PIBF1: variants seen among roughly 807,000 people sequenced by gnomAD.
PIBF1 encodes the protein progesterone immunomodulatory binding factor 1.
A neutral mutation model predicts 112.5 loss-of-function variants in PIBF1; 90 were observed. That is an observed-to-expected ratio of 0.80 (90% CI 0.67 to 0.95). The LOEUF is 0.95. Ranked by LOEUF, PIBF1 falls within the 40% of genes least tolerant of loss-of-function variation. PIBF1 has a pLI of 0.00. For missense variants in PIBF1, 915 were observed against 852.3 expected, an observed-to-expected ratio of 1.07 and a Z score of -0.92; for synonymous variants, 301 against 288.6, an observed-to-expected ratio of 1.04 and a Z score of -0.44.
rs1266464633 is a variant in PIBF1 at position 72,854,068 on chromosome 13, A to C, written c.1235A>C (p.Glu412Ala). 1.2e-6 allele frequency: 2 copies of C among 1,610,268 alleles called. No individual in the cohort carries two copies. The highest frequency in any genetic ancestry group is 4.5e-5 in the East Asian group (2 of 44,856). ...TGTTTAAAATTTAGAAATCTCCGAG[A>C]AGCAAGGGATAATGCTGTGGCTGAA... ...MYERENRNLR[E>A]ARDNAVAEKE... The change falls in exon 10 of 18, where the codon GAA becomes GCA. Residue 412 changes from glutamate to alanine, a missense_variant. By Grantham distance (107) the Glu-to-Ala change is moderately radical. Transcript: ENST00000326291.
At chr13:72,813,545 T>A (rs1566303379) in intron 5 of PIBF1, among the ~76,000 whole-genome samples, 1 of 152,140 alleles carries the variant, frequency 6.6e-6, no homozygotes, top group Admixed American at 6.5e-5. Flanking sequence ...AGTCACCAGT[T>A]TGGAGCCAGG....
At chr13:72,802,705 C>T (rs2035542959) in intron 5 of PIBF1, among the ~76,000 whole-genome samples, 1 of 151,958 alleles carries the variant, frequency 6.6e-6, no homozygotes, top group South Asian at 2.1e-4. Context: ...GATGTACAGT[C>T]AAAGGTATGT....
intron 9 of PIBF1, among the ~76,000 whole-genome samples, chr13:72,836,795 C>G (rs2037381277): frequency 6.6e-6 from 1 of 152,060 alleles, no homozygotes. Context: ...AAATGACTCT[C>G]ATGAAAATCA....
At chr13:72,983,160 C>T (rs1389259181) in intron 16 of PIBF1, among the ~76,000 whole-genome samples, 1 of 151,968 alleles carries the variant, frequency 6.6e-6, no homozygotes, top group East Asian at 1.9e-4. Context: ...AGACCCCTAG[C>T]ATGGTGGCAC....
intron 14 of PIBF1, among the ~76,000 whole-genome samples, chr13:72,963,502 G>A (rs1461462457): frequency 6.6e-6 from 1 of 152,164 alleles, no homozygotes; most frequent in Non-Finnish European, 1.5e-5. Context: ...GCTGAGGCAA[G>A]AGAATTTCTT....
intron 14 of PIBF1, among the ~76,000 whole-genome samples, chr13:72,942,649 G>A (rs766775472): frequency 1.2e-4 from 18 of 152,160 alleles, no homozygotes; most frequent in Non-Finnish European, 2.9e-5. Flanking sequence ...ATTAAAAACA[G>A]TATGATTTAT....
At chr13:72,942,104 A>G (rs2042027306) in intron 14 of PIBF1, among the ~76,000 whole-genome samples, 1 of 152,080 alleles carries the variant, frequency 6.6e-6, no homozygotes, top group Non-Finnish European at 1.5e-5. Context: ...CAGCATCCCC[A>G]GTGAGCTCAG....
At chr13:72,985,604 T>A (rs999301951) in intron 16 of PIBF1, among the ~76,000 whole-genome samples, 3 of 152,114 alleles carry the variant, frequency 2.0e-5, no homozygotes, top group African/African-American at 7.2e-5. Context: ...AACAATTATA[T>A]GAGATAATTA....
intron 13 of PIBF1, among the ~76,000 whole-genome samples, chr13:72,920,369 T>A (rs1425869806): frequency 6.6e-6 from 1 of 152,188 alleles, no homozygotes; most frequent in Non-Finnish European, 1.5e-5. Context: ...TAAGGCTAGA[T>A]ATCCAAAGAG....
intron 8 of PIBF1, among the ~76,000 whole-genome samples, chr13:72,832,845 A>G (rs1028089872): frequency 6.6e-6 from 1 of 152,160 alleles, no homozygotes; most frequent in Non-Finnish European, 1.5e-5. Flanking sequence ...GTTCTCCTGG[A>G]TAATATCCTG....
At chr13:72,972,650 C>T (rs1026813647) in intron 15 of PIBF1, among the ~76,000 whole-genome samples, 3 of 148,318 alleles carry the variant, frequency 2.0e-5, no homozygotes, top group Admixed American at 6.9e-5. Context: ...GGTGACAGAG[C>T]GAGACTCCGT....
rs748083623 is a variant in PIBF1 at position 72,821,963 on chromosome 13, A to C, written c.787A>C (p.Asn263His). The stretch of plus-strand genomic sequence containing the variant: ...TCAGCAAGGTGACTACCGTCAAGAG[A>C]ACTATGATAAAGTCAAGAGGTAAGT... ...LIQQGDYRQENYDKVKSERDA... is the reference protein window; with the variant it reads ...LIQQGDYRQEHYDKVKSERDA... Residue 263 changes from asparagine (N) to histidine (H), a missense_variant, in exon 6 of 18, where the codon AAC becomes CAC. Transcript: ENST00000326291. 1 of 1,611,902 alleles carries C rather than the reference A, an allele frequency of 6.2e-7. No individual in the cohort carries two copies. Among genetic ancestry groups the C allele is most frequent in the Admixed American group, 1.7e-5 (1 of 59,656 alleles).
At chr13:72,866,239 T>A (rs1246049094) in intron 10 of PIBF1, among the ~76,000 whole-genome samples, 1 of 152,160 alleles carries the variant, frequency 6.6e-6, no homozygotes, top group African/African-American at 2.4e-5. Context: ...CTTAATCACA[T>A]CTACAAAGAC....
At chr13:73,014,645 G>C (rs1410383754) in intron 17 of PIBF1, among the ~76,000 whole-genome samples, 1 of 152,192 alleles carries the variant, frequency 6.6e-6, no homozygotes, top group Admixed American at 6.5e-5. Flanking sequence ...TAATGGAAGA[G>C]TCTGTGCATG....
chr13:72,887,161 G>T, intron 10 of PIBF1, among the ~76,000 whole-genome samples: 1 of 150,508 alleles, frequency 6.6e-6, no homozygotes. Flanking sequence ...CAGTATCCAG[G>T]TATATATTTA....
intron 9 of PIBF1, among the ~76,000 whole-genome samples, chr13:72,847,251 CAA>C (rs2037917704): frequency 1.3e-5 from 2 of 152,138 alleles, no homozygotes; most frequent in Non-Finnish European, 2.9e-5. Flanking sequence ...TATCTAGAAA[CAA>C]ACAAAAATCT....
chr13:72,919,084 A>G (rs1357490762), intron 13 of PIBF1, among the ~76,000 whole-genome samples: 4 of 152,298 alleles, frequency 2.6e-5, no homozygotes, highest in South Asian at 4.1e-4. Context: ...TTTCTTCATC[A>G]GAGCGTTTGA....
intron 9 of PIBF1, among the ~76,000 whole-genome samples, chr13:72,852,734 GGTTT>G (rs1480235578): frequency 1.1e-4 from 17 of 152,172 alleles, no homozygotes; most frequent in African/African-American, 3.9e-4. Flanking sequence ...TCAATAGATA[GGTTT>G]ATTCAAACTT....
At chr13:72,971,274 A>T (rs527492801) in intron 15 of PIBF1, among the ~76,000 whole-genome samples, 82 of 152,168 alleles carry the variant, frequency 5.4e-4, no homozygotes, top group African/African-American at 1.9e-3. Context: ...AAGTGTATAC[A>T]TGTATATGAA....
Sources: gnomAD v4.1 joint callset for allele counts (sites outside exome capture counted in the v4.1 genomes callset) on GRCh38, gnomAD v4.1.1 for gene constraint, MANE v1.5 for transcripts, NCBI Gene and HGNC (gene_info 2026-07-23, HGNC 2026-07-21) for gene names.